Variants in QTMAN observed in about 807,000 individuals in gnomAD.
QTMAN encodes queuosine-tRNA mannosyltransferase, also known as tRNA-queuosine alpha-mannosyltransferase.
chr2:144,154,334 A>C, the QTMAN span, among the ~76,000 whole-genome samples: 1 of 152,262 alleles, frequency 6.6e-6, no homozygotes, highest in African/African-American at 2.4e-5. Flanking sequence ...AACAAGGAGG[A>C]GGTCAGGGCA....
At chr2:144,326,586 C>CAAAAAA in the QTMAN span, among the ~76,000 whole-genome samples, 5 of 43,710 alleles carry the variant, frequency 1.1e-4, no homozygotes, top group Middle Eastern at 0.01. Context: ...GACTCCATCT[C>CAAAAAA]AAAAAAAAAA....
At chr2:144,091,175 T>A in the QTMAN span, among the ~76,000 whole-genome samples, 1 of 151,824 alleles carries the variant, frequency 6.6e-6, no homozygotes, top group Non-Finnish European at 1.5e-5. Flanking sequence ...AAAAAAAAAA[T>A]TTGGATTCAT....
chr2:144,259,376 C>T, the QTMAN span, among the ~76,000 whole-genome samples: 1 of 152,154 alleles, frequency 6.6e-6, no homozygotes, highest in Non-Finnish European at 1.5e-5. Context: ...CCAGGCTGGT[C>T]TCAAACTTCT....
chr2:143,978,662 A>G, the QTMAN span, among the ~76,000 whole-genome samples: 1 of 152,206 alleles, frequency 6.6e-6, no homozygotes, highest in Non-Finnish European at 1.5e-5. Flanking sequence ...AGCAGCAGTC[A>G]CCATCCCACA....
At chr2:144,107,050 G>A in the QTMAN span, among the ~76,000 whole-genome samples, 1 of 152,200 alleles carries the variant, frequency 6.6e-6, no homozygotes, top group African/African-American at 2.4e-5. Flanking sequence ...GATGTTCTTT[G>A]AAACCAATGA....
chr2:144,329,928 G>C, the QTMAN span, among the ~76,000 whole-genome samples: 12 of 152,118 alleles, frequency 7.9e-5, no homozygotes, highest in Non-Finnish European at 5.9e-5. Flanking sequence ...GGACATAGCC[G>C]AACTTTCACG....
the QTMAN span, among the ~76,000 whole-genome samples, chr2:144,186,432 A>G: frequency 1.3e-5 from 2 of 152,204 alleles, no homozygotes; most frequent in African/African-American, 4.8e-5. Context: ...AATAATGTAG[A>G]CTGGAAATAA....
the QTMAN span, among the ~76,000 whole-genome samples, chr2:144,065,635 T>C: frequency 6.6e-6 from 1 of 152,200 alleles, no homozygotes; most frequent in Non-Finnish European, 1.5e-5. Context: ...TACTATCCCT[T>C]GGTACCTTCC....
At chr2:144,219,395 T>G in the QTMAN span, among the ~76,000 whole-genome samples, 33 of 152,144 alleles carry the variant, frequency 2.2e-4, no homozygotes, top group African/African-American at 8.0e-4. Context: ...CCTCCCAAAG[T>G]GCTGGGATTA....
the QTMAN span, among the ~76,000 whole-genome samples, chr2:144,005,130 T>C: frequency 1.3e-5 from 2 of 152,074 alleles, no homozygotes; most frequent in African/African-American, 4.8e-5. Flanking sequence ...TGATGCTTTC[T>C]GTCATTTCCC....
At chr2:143,987,167 C>T in the QTMAN span, among the ~76,000 whole-genome samples, 1 of 152,138 alleles carries the variant, frequency 6.6e-6, no homozygotes, top group Admixed American at 6.6e-5. Flanking sequence ...GAGATGAGAG[C>T]TCTTTCTATG....
the QTMAN span, among the ~76,000 whole-genome samples, chr2:144,136,970 C>A: frequency 1.3e-5 from 2 of 152,024 alleles, no homozygotes; most frequent in African/African-American, 4.8e-5. Flanking sequence ...TGCAACCCAG[C>A]AGAAATGGGA....
the QTMAN span, among the ~76,000 whole-genome samples, chr2:143,961,865 T>A: frequency 6.6e-6 from 1 of 151,710 alleles, no homozygotes; most frequent in African/African-American, 2.4e-5. Flanking sequence ...GGAATGAGAG[T>A]GAGTTGTTAC....
the QTMAN span, among the ~76,000 whole-genome samples, chr2:144,307,944 C>A: frequency 6.6e-6 from 1 of 151,958 alleles, no homozygotes; most frequent in Non-Finnish European, 1.5e-5. Flanking sequence ...ATTAAAATTC[C>A]CAGAAGTATT....
the QTMAN span, among the ~76,000 whole-genome samples, chr2:143,953,829 A>G: frequency 3.3e-5 from 5 of 152,050 alleles, no homozygotes; most frequent in South Asian, 1.0e-3. Flanking sequence ...TTTCAACCCA[A>G]GAGTACTCTG....
chr2:143,978,012 T>C, the QTMAN span, among the ~76,000 whole-genome samples: 201 of 152,328 alleles, frequency 1.3e-3, 2 homozygotes, highest in African/African-American at 4.6e-3. Context: ...ATAATACTTA[T>C]TGACAAGAAA....
the QTMAN span, among the ~76,000 whole-genome samples, chr2:144,165,790 C>G: frequency 6.6e-6 from 1 of 152,206 alleles, no homozygotes; most frequent in Non-Finnish European, 1.5e-5. Flanking sequence ...TTGACTCACT[C>G]TCCCTGAATT....
At chr2:144,040,957 T>C in the QTMAN span, among the ~76,000 whole-genome samples, 2 of 152,228 alleles carry the variant, frequency 1.3e-5, no homozygotes, top group African/African-American at 2.4e-5. Context: ...ATTATACTAA[T>C]ATCATTGAAA....
At chr2:144,074,820 G>A in the QTMAN span, among the ~76,000 whole-genome samples, 1 of 152,066 alleles carries the variant, frequency 6.6e-6, no homozygotes, top group Non-Finnish European at 1.5e-5. Context: ...ATGTGTCAGA[G>A]GCTACAGATG....
Sources: allele counts gnomAD v4.1 joint callset (sites outside exome capture counted in the v4.1 genomes callset), GRCh38; gene constraint gnomAD v4.1.1; transcripts MANE v1.5; gene names NCBI Gene and HGNC (gene_info 2026-07-23, HGNC 2026-07-21).